YTHDC2: variants seen among roughly 807,000 people sequenced by gnomAD.
YTHDC2 encodes the protein 3'-5' RNA helicase YTHDC2.
Under a neutral mutation model 174.9 loss-of-function variants are expected in YTHDC2, and 45 were observed. The ratio of observed to expected loss-of-function variants is 0.26; its 90% confidence interval spans 0.20 to 0.33. The LOEUF is 0.33. Among genes scored for constraint, YTHDC2 ranks in the 10% least tolerant of loss-of-function variants. YTHDC2 has a pLI of 1.00. For synonymous variants in YTHDC2, 657 were observed against 574.5 expected, an observed-to-expected ratio of 1.14 and a Z score of -2.05; for missense variants, 1,650 against 1,723.7, an observed-to-expected ratio of 0.96 and a Z score of 0.76.
Position 113,514,013 on chromosome 5 carries a change from C to G in YTHDC2, c.118C>G (p.Arg40Gly), listed in dbSNP as rs993495025. ...CCGGGCCAAGGGGCTGAAGGACATTCGCATTGATGAGGAGGTGAAGATCGC... is the reference window on the plus strand; with the variant it reads ...CCGGGCCAAGGGGCTGAAGGACATTGGCATTGATGAGGAGGTGAAGATCGC... ...GGRAKGLKDI[R>G]IDEEVKIAVN... The change falls in exon 1 of 30, where the codon CGC becomes GGC. Residue 40 changes from arginine (R) to glycine (G), a missense_variant. This residue lies in a region of YTHDC2 where 304 missense variants were observed against 341.4 expected (regional missense o/e 0.89). Transcript: ENST00000161863. 6 of 1,610,144 alleles carry G rather than the reference C, an allele frequency of 3.7e-6. No homozygotes were observed. The South Asian group carries it at 5.5e-5, about 15-fold the overall frequency.
intron 7 of YTHDC2, among the ~76,000 whole-genome samples, chr5:113,538,231 C>T (rs9326891): frequency 0.18 from 26,862 of 152,144 alleles, 2,482 homozygotes; most frequent in Non-Finnish European, 0.2. Flanking sequence ...GTAGCTGCTA[C>T]TTGGCTTGAC....
At chr5:113,535,557 A>G (rs1774997222) in intron 6 of YTHDC2, 85 bp from the exon 7 acceptor site, 5 of 1,312,624 alleles carry the variant, frequency 3.8e-6, no homozygotes, top group East Asian at 2.6e-5. Flanking sequence ...GAATTAGTGT[A>G]AAACCCAGTG....
Position 113,525,166 on chromosome 5 carries a change from C to G in YTHDC2, c.464C>G (p.Ala155Gly). Residue 155 changes from alanine to glycine, a missense_variant, in exon 3 of 30, where the codon GCA becomes GGA. Transcript: ENST00000161863. Reference protein sequence around the residue: ...LPKTERGNVFAVEAENREMSK... With the variant: ...LPKTERGNVFGVEAENREMSK... The stretch of plus-strand genomic sequence containing the variant: ...AAAACAGAAAGAGGAAATGTGTTTG[C>G]AGTTGAAGCTGGTATGTATTTTCTG... 4.4e-6 allele frequency: 7 copies of G among 1,595,576 alleles called. No homozygotes were observed. Among genetic ancestry groups the G allele is most frequent in the Non-Finnish European group, 6.0e-6 (7 of 1,172,842 alleles).
chr5:113,565,916 T>C lies in YTHDC2; in HGVS notation c.2739T>C (p.Asp913=). The C allele has an allele frequency of 6.2e-7, 1 of 1,612,790 alleles. No individual in the cohort carries two copies. Among genetic ancestry groups the C allele is most frequent in the Non-Finnish European group, 8.5e-7 (1 of 1,179,428 alleles). Residue 913 remains aspartate, a synonymous_variant, in exon 21 of 30, where the codon GAT becomes GAC. Coordinates refer to ENST00000161863, the MANE Select transcript of YTHDC2 (RefSeq NM_022828.5). ...AGGCCTGGCAAAAAGCACGAAGTGA[T>C]GGGTGGGAGCGAGCCTTTTGTGAAA... ...AFQAWQKARS[D]GWERAFCEKN...
At chr5:113,556,639 T>C (rs936330895) in intron 17 of YTHDC2, among the ~76,000 whole-genome samples, 4 of 152,220 alleles carry the variant, frequency 2.6e-5, no homozygotes, top group African/African-American at 9.6e-5. Flanking sequence ...TGAAAATGTT[T>C]AACAGTATGT....
rs1358739347 is a variant in YTHDC2 at position 113,563,954 on chromosome 5, G to C, written c.2538G>C (p.Leu846Phe). ...AACCACATCTTGGTAAAATGGTCTT[G>C]TGTGCTGTTGTTTTAAAGTGTCTGG... is the stretch of plus-strand genomic sequence containing the variant. ...PVEPHLGKMV[L>F]CAVVLKCLDP... The change falls in exon 20 of 30, where the codon TTG becomes TTC. Residue 846 changes from leucine (L) to phenylalanine (F), a missense_variant. This residue lies in a region of YTHDC2 where 913 missense variants were observed against 940.4 expected (regional missense o/e 0.97). Coordinates refer to ENST00000161863, the MANE Select transcript of YTHDC2 (RefSeq NM_022828.5). 2 of 1,614,020 alleles carry C rather than the reference G, an allele frequency of 1.2e-6. No individual in the cohort carries two copies. The highest frequency in any genetic ancestry group is 1.7e-6 in the Non-Finnish European group (2 of 1,180,028).
intron 12 of YTHDC2, 111 bp downstream of exon 12, chr5:113,549,131 A>T: frequency 2.2e-6 from 2 of 897,580 alleles, no homozygotes; most frequent in Non-Finnish European, 3.2e-6. Flanking sequence ...TTATCCAGAG[A>T]TTTTTTTTTG....
At chr5:113,533,157 C>T in intron 5 of YTHDC2, 112 bp downstream of exon 5, 1 of 1,210,792 alleles carries the variant, frequency 8.3e-7, no homozygotes, top group South Asian at 1.5e-5. Flanking sequence ...CATTTTGCTC[C>T]AAGTAAGTCT....
At chr5:113,590,957 A>G (rs1428056519) in intron 26 of YTHDC2, 84 bp from the exon 27 acceptor site, 15 of 1,131,144 alleles carry the variant, frequency 1.3e-5, no homozygotes, top group African/African-American at 3.2e-5. Context: ...TTTGGCTTAT[A>G]TGTTTATGAA....
chr5:113,522,138 T>G (rs971261333), intron 2 of YTHDC2, among the ~76,000 whole-genome samples: 32 of 70,660 alleles, frequency 4.5e-4, no homozygotes, highest in East Asian at 1.7e-3. Context: ...TTTTTTGTTT[T>G]TTGTTTTTTT....
chr5:113,545,220 G>A (rs1005781977), intron 10 of YTHDC2, among the ~76,000 whole-genome samples: 3 of 152,068 alleles, frequency 2.0e-5, no homozygotes, highest in African/African-American at 7.2e-5. Flanking sequence ...TTTGGGTGTG[G>A]TTGTTCAAGC....
chr5:113,519,791 C>A (rs1580470477), intron 2 of YTHDC2, among the ~76,000 whole-genome samples: 1 of 152,066 alleles, frequency 6.6e-6, no homozygotes, highest in African/African-American at 2.4e-5. Context: ...TTAAAAAATT[C>A]ATTATATAAA....
In YTHDC2 at chr5:113,561,131, A is replaced by C; in HGVS notation, c.2268A>C (p.Arg756=). The part of the protein sequence containing the change: ...GICFRLFSRL[R]FQNMLEFQTP... Reference sequence around the variant, plus strand: ...GTTTTCGTCTGTTCAGTAGACTCCGATTCCAGAATATGTTGGAATTTCAGA... The same window carrying C: ...GTTTTCGTCTGTTCAGTAGACTCCGCTTCCAGAATATGTTGGAATTTCAGA... The change falls in exon 18 of 30, where the codon CGA becomes CGC. Residue 756 remains arginine, a synonymous_variant. Transcript: ENST00000161863. 6.2e-7 allele frequency: 1 copy of C among 1,613,238 alleles called. No individual in the cohort carries two copies. The highest frequency in any genetic ancestry group is 8.5e-7 in the Non-Finnish European group (1 of 1,179,524).
chr5:113,574,592 T>C (rs1049964656), intron 23 of YTHDC2, among the ~76,000 whole-genome samples: 9 of 152,084 alleles, frequency 5.9e-5, no homozygotes, highest in African/African-American at 2.2e-4. Context: ...CAGCCACCCC[T>C]CCCCCTGGGA....
At chr5:113,544,356 G>C (rs1280861193) in intron 10 of YTHDC2, among the ~76,000 whole-genome samples, 1 of 151,882 alleles carries the variant, frequency 6.6e-6, no homozygotes, top group Non-Finnish European at 1.5e-5. Flanking sequence ...TCACCATGTT[G>C]GCCAGGATGG....
rs754435428 is a variant in YTHDC2, at chr5:113,515,303, T to C, written c.219T>C (p.Thr73=). 2.6e-5 allele frequency: 42 copies of C among 1,612,664 alleles called. No individual in the cohort carries two copies. The highest frequency in any genetic ancestry group is 3.1e-5 in the Non-Finnish European group (36 of 1,179,762). The change falls in exon 2 of 30, where the codon ACT becomes ACC. Residue 73 remains threonine (T), a synonymous_variant. Transcript: ENST00000161863. ...EMEFPSSLTS[T]ERAFIHRLSQ... ...AATTTCCTTCTTCTTTGACCAGTAC[T>C]GAAAGAGCCTTTATTCATCGACTCA...
intron 6 of YTHDC2, among the ~76,000 whole-genome samples, chr5:113,534,826 G>C (rs1774945936): frequency 6.6e-6 from 1 of 151,998 alleles, no homozygotes; most frequent in South Asian, 2.1e-4. Context: ...CCATGATTAA[G>C]CTGCTAAATT....
chr5:113,514,000 G>T lies in YTHDC2; in HGVS notation c.105G>T (p.Gly35=), dbSNP rs749107399. 4.4e-6 allele frequency: 7 copies of T among 1,608,434 alleles called. No homozygotes were observed. The East Asian group carries it at 1.3e-4, about 31-fold the overall frequency. The change falls in exon 1 of 30, where the codon GGG becomes GGT. Residue 35 remains glycine (G), a synonymous_variant. Transcript: ENST00000161863. ...CGPGGGGRAK[G]LKDIRIDEEV... is the part of the protein sequence containing the mutation. ...CTGGGGGCGGCGGCCGGGCCAAGGGGCTGAAGGACATTCGCATTGATGAGG... is the reference window on the plus strand; with the variant it reads ...CTGGGGGCGGCGGCCGGGCCAAGGGTCTGAAGGACATTCGCATTGATGAGG...
chr5:113,563,969 A>G lies in YTHDC2; in HGVS notation c.2553A>G (p.Leu851=), dbSNP rs1230853108. ...AAATGGTCTTGTGTGCTGTTGTTTT[A>G]AAGTGTCTGGACCCCATCCTTACAA... ...LGKMVLCAVV[L]KCLDPILTIA... is the part of the protein sequence containing the mutation. The change falls in exon 20 of 30, where the codon TTA becomes TTG. Residue 851 remains leucine, a synonymous_variant. Coordinates refer to ENST00000161863, the MANE Select transcript of YTHDC2 (RefSeq NM_022828.5). The G allele has an allele frequency of 2.5e-6, 4 of 1,614,012 alleles. No homozygotes were observed. The highest frequency in any genetic ancestry group is 3.4e-6 in the Non-Finnish European group (4 of 1,180,022).
Sources: allele counts gnomAD v4.1 joint callset (sites outside exome capture counted in the v4.1 genomes callset), GRCh38; gene constraint gnomAD v4.1.1; regional missense constraint gnomAD v4.1.1; transcripts MANE v1.5; gene names NCBI Gene and HGNC (gene_info 2026-07-23, HGNC 2026-07-21).